The following GUCY1A2 variants were observed in gnomAD, a reference collection of about 807,000 sequenced individuals.
The protein encoded by GUCY1A2 is guanylate cyclase 1 soluble subunit alpha 2.
Under a neutral mutation model 63.5 loss-of-function variants are expected in GUCY1A2, and 27 were observed. That is an observed-to-expected ratio of 0.43 (90% CI 0.31 to 0.59). The LOEUF (loss-of-function observed/expected upper bound fraction) is 0.59. GUCY1A2 is among the 20% of genes least tolerant of loss of function. The pLI, the probability that GUCY1A2 is intolerant of heterozygous loss-of-function variation, is 0.11. For synonymous variants in GUCY1A2, 364 were observed against 343.5 expected (o/e 1.06, Z -0.66); for missense variants, 768 against 913.3 (o/e 0.84, Z 2.05).
intron 4 of GUCY1A2, among the ~76,000 whole-genome samples, chr11:106,882,264 T>C (rs573414490): frequency 1.3e-5 from 2 of 152,148 alleles, no homozygotes; most frequent in Non-Finnish European, 2.9e-5. Flanking sequence ...ACATAATTTG[T>C]AGAGATGTGG....
rs1436418783 is a variant in GUCY1A2 at position 107,014,124 on chromosome 11, C to T, written c.303+3629G>A. On this transcript the variant is annotated intron_variant, in intron 1 of 7. Transcript: ENST00000526355. ...TTTTTTTTTGAGACGGAGTCTCGCT[C>T]TGTCGCCAGGCTGGAATGCAGTGGC... is the stretch of plus-strand genomic sequence containing the variant. 2.7e-5 allele frequency among the ~76,000 whole-genome samples: 3 copies of T among 111,830 alleles called. No homozygotes were observed. The Admixed American group carries it at 4.2e-4, about 16-fold the overall frequency. The allele number at this position is 111,830 out of a possible 152,430, so 73.4% of individuals were successfully genotyped here.
chr11:106,815,270 T>G (rs1276738594), intron 4 of GUCY1A2, among the ~76,000 whole-genome samples: 1 of 152,028 alleles, frequency 6.6e-6, no homozygotes, highest in African/African-American at 2.4e-5. Flanking sequence ...AAAAAAAGTT[T>G]TAGGGATCTT....
At chr11:106,981,020 A>G (rs1565350174) in intron 2 of GUCY1A2, among the ~76,000 whole-genome samples, 1 of 152,360 alleles carries the variant, frequency 6.6e-6, no homozygotes, top group East Asian at 1.9e-4. Flanking sequence ...AGGATTAAAT[A>G]AAAGATGGAA....
chr11:106,903,432 T>C (rs1222284028), intron 4 of GUCY1A2, among the ~76,000 whole-genome samples: 1 of 152,198 alleles, frequency 6.6e-6, no homozygotes, highest in African/African-American at 2.4e-5. Flanking sequence ...TTGTGGATTA[T>C]ATTCCACCAA....
intron 4 of GUCY1A2, among the ~76,000 whole-genome samples, chr11:106,914,355 T>C (rs1480557765): frequency 6.6e-6 from 1 of 152,126 alleles, no homozygotes; most frequent in Non-Finnish European, 1.5e-5. Flanking sequence ...TATAAGTTTT[T>C]TATGCAGACA....
At chr11:106,899,231 T>G (rs932289041) in intron 4 of GUCY1A2, among the ~76,000 whole-genome samples, 2 of 152,036 alleles carry the variant, frequency 1.3e-5, no homozygotes, top group Non-Finnish European at 2.9e-5. Context: ...AAAAACACGA[T>G]AGTGAATGAT....
Position 106,990,489 on chromosome 11 carries a change from CGCT to C in GUCY1A2, c.304-4361_304-4359del, listed in dbSNP as rs1412436163. Among the ~76,000 whole-genome samples the C allele has an allele frequency of 3.9e-5, 6 of 152,268 alleles. No homozygotes were observed. In the East Asian group the frequency reaches 1.2e-3, roughly 29 times the overall value. On this transcript the variant is annotated intron_variant, in intron 1 of 7. Transcript: ENST00000526355. ...CTGGCCCTGCAGGCTCAGACAGTCC[CGCT>C]GAGGCTCCCACACAGTCCCTGCTCT...
intron 7 of GUCY1A2, among the ~76,000 whole-genome samples, chr11:106,704,793 A>G (rs1862878594): frequency 6.6e-6 from 1 of 151,852 alleles, no homozygotes; most frequent in African/African-American, 2.4e-5. Context: ...TTTCTGTTTT[A>G]TAGATCAGCA....
chr11:106,868,617 A>T (rs1859628695), intron 4 of GUCY1A2, among the ~76,000 whole-genome samples: 1 of 152,308 alleles, frequency 6.6e-6, no homozygotes, highest in East Asian at 1.9e-4. Flanking sequence ...GGACACAAAC[A>T]AATGGAAGAA....
chr11:106,740,327 G>A (rs111824482), intron 6 of GUCY1A2, among the ~76,000 whole-genome samples: 120 of 152,012 alleles, frequency 7.9e-4, no homozygotes, highest in African/African-American at 2.7e-3. Context: ...TTTTCTCAGT[G>A]GGAGTAGGTA....
intron 1 of GUCY1A2, among the ~76,000 whole-genome samples, chr11:106,986,443 G>C (rs1390227315): frequency 6.6e-6 from 1 of 152,068 alleles, no homozygotes; most frequent in Non-Finnish European, 1.5e-5. Context: ...CCAGGCCCTG[G>C]GGATAGCAGG....
chr11:106,715,251 C>A (rs919642959), intron 6 of GUCY1A2, among the ~76,000 whole-genome samples: 17 of 152,142 alleles, frequency 1.1e-4, no homozygotes, highest in African/African-American at 4.1e-4. Flanking sequence ...TTGCACAGTT[C>A]CATCTCAGCA....
intron 7 of GUCY1A2, among the ~76,000 whole-genome samples, chr11:106,704,047 C>T (rs1175205731): frequency 6.6e-6 from 1 of 152,028 alleles, no homozygotes; most frequent in South Asian, 2.1e-4. Context: ...AATAAAAACA[C>T]ATAGGAATAA....
chr11:106,947,560 ATATG>A (rs749590855), intron 3 of GUCY1A2, among the ~76,000 whole-genome samples: 2 of 152,058 alleles, frequency 1.3e-5, no homozygotes, highest in Admixed American at 6.5e-5. Flanking sequence ...GTATATGTAC[ATATG>A]TATTATATGT....
chr11:106,781,919 T>C (rs1864471918), intron 5 of GUCY1A2, among the ~76,000 whole-genome samples: 1 of 152,178 alleles, frequency 6.6e-6, no homozygotes, highest in South Asian at 2.1e-4. Context: ...AGAATTTCTT[T>C]TAGCTCCTAA....
intron 1 of GUCY1A2, among the ~76,000 whole-genome samples, chr11:107,012,103 A>G (rs1861754193): frequency 6.6e-6 from 1 of 152,164 alleles, no homozygotes; most frequent in African/African-American, 2.4e-5. Context: ...ATATTGCCAC[A>G]CAGCAGTCAG....
chr11:106,903,963 A>T (rs915335185), intron 4 of GUCY1A2, among the ~76,000 whole-genome samples: 1 of 152,138 alleles, frequency 6.6e-6, no homozygotes, highest in Non-Finnish European at 1.5e-5. Context: ...TTAAATCACA[A>T]CCTGTGGCTA....
intron 4 of GUCY1A2, among the ~76,000 whole-genome samples, chr11:106,936,157 C>T (rs1167592986): frequency 6.6e-6 from 1 of 152,142 alleles, no homozygotes; most frequent in South Asian, 2.1e-4. Flanking sequence ...AAGATTCATT[C>T]CATACCAAGA....
Position 106,833,594 on chromosome 11 carries a change from C to A in GUCY1A2, c.1207-23116G>T, listed in dbSNP as rs537359416. On this transcript the variant is annotated intron_variant, in intron 4 of 7. Transcript: ENST00000526355. ...CTATCATGATGATAGGATGCTAGAT[C>A]CATAAGAGTAGCGATTTCTATCTAC... Among the ~76,000 whole-genome samples, 11 of 152,168 alleles carry A rather than the reference C, an allele frequency of 7.2e-5. No individual in the cohort carries two copies. In the East Asian group the frequency reaches 1.9e-3, roughly 27 times the overall value.
Sources: allele counts gnomAD v4.1 joint callset (sites outside exome capture counted in the v4.1 genomes callset), GRCh38; gene constraint gnomAD v4.1.1; transcripts MANE v1.5; gene names NCBI Gene and HGNC (gene_info 2026-07-23, HGNC 2026-07-21).